Variants in GADL1 observed in about 807,000 individuals in gnomAD.
GADL1 encodes the protein acidic amino acid decarboxylase GADL1.
In GADL1, 71 loss-of-function variants were observed where a neutral mutation model predicts 69.5. The ratio of observed to expected loss-of-function variants is 1.02; its 90% confidence interval spans 0.84 to 1.25. The LOEUF (loss-of-function observed/expected upper bound fraction) is 1.25, where lower values mean the gene tolerates loss of function less well. GADL1 is among the 50% of genes most tolerant of loss of function. GADL1 has a pLI of 0.00. For missense variants in GADL1, 737 were observed against 631.8 expected (o/e 1.17, Z -1.79); for synonymous variants, 254 against 214.4 (o/e 1.18, Z -1.62).
At chr3:30,880,280 G>T (rs1698626134) in intron 1 of GADL1, among the ~76,000 whole-genome samples, 1 of 151,830 alleles carries the variant, frequency 6.6e-6, no homozygotes, top group South Asian at 2.1e-4. Context: ...GTATACAGGA[G>T]GATGTGCACA....
chr3:30,805,023 C>T (rs1456842996), intron 11 of GADL1, among the ~76,000 whole-genome samples: 1 of 152,166 alleles, frequency 6.6e-6, no homozygotes, highest in Non-Finnish European at 1.5e-5. Context: ...CAATGACAAG[C>T]ACAGAAACCA....
At chr3:30,817,911 G>A (rs114534414) in intron 11 of GADL1, among the ~76,000 whole-genome samples, 1 of 152,292 alleles carries the variant, frequency 6.6e-6, no homozygotes, top group African/African-American at 2.4e-5. Flanking sequence ...AAAGAGAAGT[G>A]GTGAACTTCT....
chr3:30,872,384 T>A (rs1488505805), intron 1 of GADL1, among the ~76,000 whole-genome samples: 1 of 151,940 alleles, frequency 6.6e-6, no homozygotes, highest in African/African-American at 2.4e-5. Context: ...GTTGGCATTT[T>A]CCTCCTCTGA....
intron 14 of GADL1, among the ~76,000 whole-genome samples, chr3:30,747,446 G>T (rs975398807): frequency 6.6e-6 from 1 of 152,160 alleles, no homozygotes; most frequent in Admixed American, 6.5e-5. Context: ...AAAGAAAGGT[G>T]GAATTGAGTA....
chr3:30,838,415 C>A (rs1196084834), intron 9 of GADL1, among the ~76,000 whole-genome samples: 2 of 152,070 alleles, frequency 1.3e-5, no homozygotes, highest in African/African-American at 4.8e-5. Flanking sequence ...AAAGCCAATC[C>A]TTTGCTAGAA....
At chr3:30,744,951 A>G (rs559124790) in intron 14 of GADL1, among the ~76,000 whole-genome samples, 1 of 152,352 alleles carries the variant, frequency 6.6e-6, no homozygotes, top group Admixed American at 6.5e-5. Context: ...AAATCTAAAT[A>G]ACAAGCCTAA....
intron 11 of GADL1, among the ~76,000 whole-genome samples, chr3:30,812,479 C>T (rs1697376008): frequency 6.6e-6 from 1 of 152,142 alleles, no homozygotes. Context: ...GGAAACTCCC[C>T]TTTCTAAAAC....
At chr3:30,827,741 T>C (rs1275418838) in intron 11 of GADL1, among the ~76,000 whole-genome samples, 1 of 151,886 alleles carries the variant, frequency 6.6e-6, no homozygotes, top group South Asian at 2.1e-4. Flanking sequence ...GAATTAAGAG[T>C]ATTTATCAAT....
intron 12 of GADL1, among the ~76,000 whole-genome samples, chr3:30,788,059 C>T (rs978824574): frequency 1.3e-5 from 2 of 152,164 alleles, no homozygotes; most frequent in Non-Finnish European, 2.9e-5. Flanking sequence ...CGTATGCTCA[C>T]AAAGTACCAG....
At chr3:30,792,212 A>T (rs1696938318) in intron 12 of GADL1, among the ~76,000 whole-genome samples, 1 of 152,240 alleles carries the variant, frequency 6.6e-6, no homozygotes, top group African/African-American at 2.4e-5. Context: ...CCACATAAAA[A>T]GTCCCACTAT....
intron 1 of GADL1, among the ~76,000 whole-genome samples, chr3:30,891,010 G>A (rs1283652581): frequency 5.4e-5 from 8 of 149,484 alleles, no homozygotes; most frequent in Admixed American, 1.3e-4. Context: ...ACAGGCTGTC[G>A]GCTAGAGTAT....
chr3:30,744,619 C>A (rs189529375), intron 14 of GADL1, among the ~76,000 whole-genome samples: 1 of 151,992 alleles, frequency 6.6e-6, no homozygotes, highest in Non-Finnish European at 1.5e-5. Context: ...GAGACCGAGG[C>A]GGGAGGATTG....
chr3:30,861,971 T>A (rs1698327450), intron 1 of GADL1, among the ~76,000 whole-genome samples: 1 of 151,892 alleles, frequency 6.6e-6, no homozygotes, highest in South Asian at 2.1e-4. Flanking sequence ...AGCTCACAAT[T>A]TATGGATTAA....
At chr3:30,865,846 G>T (rs1353198596) in intron 1 of GADL1, among the ~76,000 whole-genome samples, 3 of 151,968 alleles carry the variant, frequency 2.0e-5, no homozygotes, top group Non-Finnish European at 4.4e-5. Flanking sequence ...GCTCACTCCA[G>T]AAACCACACT....
At chr3:30,782,813 G>A (rs1696695732) in intron 13 of GADL1, among the ~76,000 whole-genome samples, 1 of 152,066 alleles carries the variant, frequency 6.6e-6, no homozygotes, top group Non-Finnish European at 1.5e-5. Context: ...ACTAAGACAG[G>A]GGAGACTATC....
chr3:30,728,309 G>C lies in GADL1; in HGVS notation c.1499C>G (p.Pro500Arg). The change falls in exon 15 of 15, where the codon CCT (proline) becomes CGT (arginine). Residue 500 changes from proline (P) to arginine (R), a missense_variant. Physicochemically the swap from Pro to Arg is moderately radical, Grantham distance 103 (BLOSUM62 -2). Transcript: ENST00000282538. ...GTCCATGTCCTCCCGGCTCACTTGA[G>C]GGCTGATCACCACCTGGCGGAAGAA... is the stretch of plus-strand genomic sequence containing the variant. ...VNFFRQVVIS[P>R]QVSREDMDFL... The C allele has an allele frequency of 6.2e-7, 1 of 1,613,912 alleles. No individual in the cohort carries two copies. The highest frequency in any genetic ancestry group is 8.5e-7 in the Non-Finnish European group (1 of 1,179,866).
At chr3:30,764,278 CAGT>C (rs1003440188) in intron 14 of GADL1, among the ~76,000 whole-genome samples, 4 of 152,094 alleles carry the variant, frequency 2.6e-5, no homozygotes, top group African/African-American at 9.7e-5. Context: ...AGAAGATACA[CAGT>C]AGAAACTAAT....
intron 12 of GADL1, among the ~76,000 whole-genome samples, chr3:30,796,815 C>T (rs1346861230): frequency 1.3e-5 from 2 of 152,100 alleles, no homozygotes; most frequent in East Asian, 1.9e-4. Flanking sequence ...ATGTTTCCAT[C>T]GCTTACTACC....
intron 14 of GADL1, among the ~76,000 whole-genome samples, chr3:30,769,755 A>C (rs951858183): frequency 6.6e-6 from 1 of 152,110 alleles, no homozygotes; most frequent in Non-Finnish European, 1.5e-5. Flanking sequence ...AACACCCACT[A>C]CTTGACAGAT....
Sources: allele counts gnomAD v4.1 joint callset (sites outside exome capture counted in the v4.1 genomes callset), GRCh38; gene constraint gnomAD v4.1.1; transcripts MANE v1.5; gene names NCBI Gene and HGNC (gene_info 2026-07-23, HGNC 2026-07-21).